The following TACC2 variants were observed in gnomAD, a reference collection of about 807,000 sequenced individuals.
The protein encoded by TACC2 is transforming acidic coiled-coil-containing protein 2.
In TACC2, 137 loss-of-function variants were observed where a neutral mutation model predicts 227.3. The ratio of observed to expected loss-of-function variants is 0.60; its 90% CI spans 0.52 to 0.69. TACC2 has a LOEUF of 0.69. TACC2 is among the 30% of genes least tolerant of loss of function. TACC2 has a pLI of 0.00. For missense variants in TACC2, 3,470 were observed against 3,694.4 expected (o/e 0.94, Z 1.57); for synonymous variants, 1,523 against 1,487.5 (o/e 1.02, Z -0.55).
chr10:122,027,705 A>G (rs964567215), intron 2 of TACC2, among the ~76,000 whole-genome samples: 1 of 151,280 alleles, frequency 6.6e-6, no homozygotes, highest in African/African-American at 2.4e-5. Flanking sequence ...TTCCCTATTA[A>G]TATTAGAATA....
Position 122,249,427 on chromosome 10 carries a change from C to A in TACC2, c.8661-117C>A, listed in dbSNP as rs7906954. ...TCTCATGGGCTCCTGTGCTCCAGCTCCAGTTGGTGGCAGCTGGGGCCAGAC... is the reference window on the plus strand; with the variant it reads ...TCTCATGGGCTCCTGTGCTCCAGCTACAGTTGGTGGCAGCTGGGGCCAGAC... On this transcript the variant is annotated intron_variant, in intron 21 of 22. Transcript: ENST00000369005. The A allele has an allele frequency of 2.1e-6, 3 of 1,404,160 alleles. No individual in the cohort carries two copies. In the South Asian group the frequency reaches 4.0e-5, roughly 19 times the overall value. The allele number at this position is 1,404,160 out of a possible 1,614,324, so 87.0% of individuals were successfully genotyped here. A position where few individuals can be genotyped will look rare whatever the true frequency, so the allele number is the denominator to read the frequency against.
Position 122,216,831 on chromosome 10 carries a change from A to G in TACC2, c.7546+3A>G. On this transcript the variant is annotated splice_donor_region_variant and intron_variant, in intron 11 of 22. Transcript: ENST00000369005. ...CAAATTCAGTTCACCCACTGAGGGT[A>G]AGCAACTCTGTAGCCAGCTGGACCC... 1.9e-6 allele frequency: 3 copies of G among 1,614,144 alleles called. No homozygotes were observed. The highest frequency in any genetic ancestry group is 2.5e-6 in the Non-Finnish European group (3 of 1,180,008).
At chr10:122,163,664 CGCGCACGCCGGCCACACTCGG>C (rs1166755336) in intron 7 of TACC2, 14 of 944,732 alleles carry the variant, frequency 1.5e-5, no homozygotes, top group East Asian at 1.5e-4. Context: ...CGGGCAGAGC[CGCGCACGCCGGCCACACTCGG>C]GCGCGCGCCG....
chr10:122,102,525 T>C (rs1244830112), intron 5 of TACC2, among the ~76,000 whole-genome samples: 1 of 152,232 alleles, frequency 6.6e-6, no homozygotes, highest in Non-Finnish European at 1.5e-5. Flanking sequence ...CTGATGTCAC[T>C]TGGACATCTG....
At chr10:122,063,856 A>C (rs912270872) in intron 3 of TACC2, among the ~76,000 whole-genome samples, 32 of 150,570 alleles carry the variant, frequency 2.1e-4, no homozygotes, top group African/African-American at 5.6e-4. Flanking sequence ...ACACACACAC[A>C]CCCTTAAAGA....
chr10:122,047,162 A>G (rs1177206831), intron 2 of TACC2, among the ~76,000 whole-genome samples: 1 of 151,504 alleles, frequency 6.6e-6, no homozygotes, highest in Non-Finnish European at 1.5e-5. Flanking sequence ...GGTGGTGGGC[A>G]CCTGTAGTCC....
At position 122,180,713 on chromosome 10, in the gene TACC2, G is replaced by A. The variant is rs1005138455; in HGVS notation, c.5835-14327G>A. 1.3e-5 allele frequency among the ~76,000 whole-genome samples: 2 copies of A among 151,868 alleles called. No individual in the cohort carries two copies. The highest frequency in any genetic ancestry group is 4.8e-5 in the African/African-American group (2 of 41,290). ...GCTTTGAGAAGCCTCCCTTCCCAGG[G>A]AGTGCAAGAGGAATAACTTATTTTA... On this transcript the variant is annotated intron_variant, in intron 7 of 22. Coordinates refer to ENST00000369005, the MANE Select transcript of TACC2 (RefSeq NM_206862.4). This position sits in a 1 kb window ranked among gnomAD's most constrained non-coding sequence, Gnocchi z 4.5.
chr10:122,237,846 G>A, intron 17 of TACC2, 115 bp from the exon 18 acceptor site: 1 of 800,386 alleles, frequency 1.2e-6, no homozygotes, highest in East Asian at 2.6e-5. Context: ...ATGGTTTGTT[G>A]TAGGAAGTTT....
intron 5 of TACC2, among the ~76,000 whole-genome samples, chr10:122,114,845 G>A (rs2084350115): frequency 6.6e-6 from 1 of 152,030 alleles, no homozygotes; most frequent in Non-Finnish European, 1.5e-5. Context: ...TTAGCCCCTT[G>A]TCTCTCCGTT....
intron 7 of TACC2, among the ~76,000 whole-genome samples, chr10:122,193,089 C>T (rs370678968): frequency 6.6e-6 from 1 of 152,214 alleles, no homozygotes; most frequent in South Asian, 2.1e-4. Flanking sequence ...TGTAAGAAGT[C>T]AGTATCTTCT....
At chr10:122,045,791 C>T (rs1034602161) in intron 2 of TACC2, among the ~76,000 whole-genome samples, 1 of 152,234 alleles carries the variant, frequency 6.6e-6, no homozygotes, top group Non-Finnish European at 1.5e-5. Flanking sequence ...ATGTGCCATT[C>T]ATACAGATAG....
chr10:122,241,717 T>G, intron 18 of TACC2: 1 of 577,056 alleles, frequency 1.7e-6, no homozygotes, highest in South Asian at 2.1e-5. Flanking sequence ...CATGCACCAC[T>G]CTACCTGGTT....
At chr10:122,138,938 C>G (rs2139084851) in intron 6 of TACC2, among the ~76,000 whole-genome samples, 1 of 152,296 alleles carries the variant, frequency 6.6e-6, no homozygotes, top group East Asian at 1.9e-4. Flanking sequence ...CCTTTTATCC[C>G]TTGTGTCTCC....
At chr10:122,124,944 C>T (rs2138563597) in intron 5 of TACC2, among the ~76,000 whole-genome samples, 1 of 151,934 alleles carries the variant, frequency 6.6e-6, no homozygotes, top group African/African-American at 2.4e-5. Context: ...TCCAGCAAAA[C>T]AAAAACAACC....
chr10:122,170,263 CTTTTTTTTT>C (rs34194262), intron 7 of TACC2, among the ~76,000 whole-genome samples: 8 of 63,200 alleles, frequency 1.3e-4, no homozygotes, highest in African/African-American at 3.5e-4. Context: ...ATGATCAAGT[CTTTTTTTTT>C]TTTTTTTTTT....
At chr10:122,249,759 C>T in intron 22 of TACC2, 95 bp downstream of exon 22, 1 of 1,416,506 alleles carries the variant, frequency 7.1e-7, no homozygotes, top group Non-Finnish European at 9.5e-7. Context: ...TCCCTGGCCA[C>T]TGCTGCTCCT....
chr10:122,216,862 C>A, intron 11 of TACC2, 34 bp downstream of exon 11: 1 of 1,614,164 alleles, frequency 6.2e-7, no homozygotes, highest in Non-Finnish European at 8.5e-7. Context: ...GACCCCCACT[C>A]TGCCTCGGAG....
intron 6 of TACC2, among the ~76,000 whole-genome samples, chr10:122,134,856 C>T (rs991263167): frequency 6.6e-5 from 10 of 152,198 alleles, no homozygotes; most frequent in Non-Finnish European, 1.3e-4. Flanking sequence ...TGCAGTCCAG[C>T]GGAGGGTGTA....
chr10:122,015,333 G>A (rs1245037489), intron 1 of TACC2, among the ~76,000 whole-genome samples: 1 of 149,364 alleles, frequency 6.7e-6, no homozygotes, highest in Non-Finnish European at 1.5e-5. Flanking sequence ...GGTGAAACCC[G>A]GTCTCTACTA....
Sources: gnomAD v4.1 joint callset for allele counts (sites outside exome capture counted in the v4.1 genomes callset) on GRCh38, gnomAD v4.1.1 for gene constraint, Gnocchi (gnomAD v3.1) non-coding constraint, MANE v1.5 for transcripts, NCBI Gene and HGNC (gene_info 2026-07-23, HGNC 2026-07-21) for gene names.